The following ATP6V1H variants were observed in gnomAD, a reference collection of about 807,000 sequenced individuals.
The protein encoded by ATP6V1H is ATPase H+ transporting V1 subunit H.
A neutral mutation model predicts 71.7 loss-of-function variants in ATP6V1H; 39 were observed. That is an observed-to-expected ratio of 0.54 (90% CI 0.42 to 0.71). The LOEUF is 0.71. Among genes scored for constraint, ATP6V1H ranks in the 30% least tolerant of loss-of-function variants. The probability of loss-of-function intolerance (pLI) is 0.00; values close to 1 mark genes in which losing one functional copy is unlikely to be tolerated. For synonymous variants in ATP6V1H, 192 were observed against 199.3 expected (o/e 0.96, Z 0.31); for missense variants, 509 against 594.9 (o/e 0.86, Z 1.50).
intron 9 of ATP6V1H, among the ~76,000 whole-genome samples, chr8:53,795,121 G>T (rs969201324): frequency 6.6e-6 from 1 of 152,142 alleles, no homozygotes; most frequent in East Asian, 1.9e-4. Context: ...CTAGGATTTC[G>T]ATTCTAGCTA....
chr8:53,744,122 G>A (rs906207329), intron 12 of ATP6V1H, among the ~76,000 whole-genome samples: 2 of 151,778 alleles, frequency 1.3e-5, no homozygotes, highest in African/African-American at 2.4e-5. Flanking sequence ...GTGAAGATAG[G>A]GGCTTAGATG....
intron 2 of ATP6V1H, chr8:53,839,656 A>T (rs1173459647): frequency 1.0e-6 from 1 of 985,310 alleles, no homozygotes; most frequent in Admixed American, 6.2e-5. Flanking sequence ...AATTCAATCA[A>T]GAGGCAGATA....
chr8:53,812,796 G>T lies in ATP6V1H; in HGVS notation c.526-1579C>A, dbSNP rs550434607. Among the ~76,000 whole-genome samples the T allele has an allele frequency of 1.9e-3, 289 of 152,304 alleles. 1 individual carries two copies. Among genetic ancestry groups the T allele is most frequent in the Middle Eastern group, 3.4e-3 (1 of 294 alleles). On this transcript the variant is annotated intron_variant, in intron 6 of 13. Coordinates refer to ENST00000359530, the MANE Select transcript of ATP6V1H (RefSeq NM_015941.4). ...ACAGCCTCAACCTCCTCAGGCTCAG[G>T]TGATCCTTCTGCCTCAGCCTGCTGA... is the stretch of plus-strand genomic sequence containing the variant.
intron 9 of ATP6V1H, among the ~76,000 whole-genome samples, chr8:53,776,207 A>G (rs1808883948): frequency 6.6e-6 from 1 of 152,186 alleles, no homozygotes; most frequent in Non-Finnish European, 1.5e-5. Flanking sequence ...GGGCCCGCCA[A>G]GCCCACGCCC....
In ATP6V1H at chr8:53,743,706, A is replaced by G; in HGVS notation, c.1278-16T>C. 6.3e-7 allele frequency: 1 copy of G among 1,578,676 alleles called. No homozygotes were observed. The highest frequency in any genetic ancestry group is 8.7e-7 in the Non-Finnish European group (1 of 1,152,420). ...CTCGATGACCCTGCAAACGGGAGAG[A>G]CGTGGTGAGGAAGATGCAATTACTC... On this transcript the variant is annotated splice_polypyrimidine_tract_variant and intron_variant, in intron 12 of 13. Coordinates refer to ENST00000359530, the MANE Select transcript of ATP6V1H (RefSeq NM_015941.4).
In ATP6V1H at chr8:53,718,155, A is replaced by G. The variant is rs114257944; in HGVS notation, c.1392-2131T>C. On this transcript the variant is annotated intron_variant, in intron 13 of 13. Transcript: ENST00000359530. ...GAGGGTAGTTCATTCCCCATATCAG[A>G]CTTCACTAATACTTAGCAGACAACA... 6.0e-4 allele frequency among the ~76,000 whole-genome samples: 91 copies of G among 152,318 alleles called. 1 individual carries two copies. Among genetic ancestry groups the G allele is most frequent in the African/African-American group, 2.1e-3 (88 of 41,568 alleles).
At chr8:53,745,997 A>T (rs867680504) in intron 12 of ATP6V1H, among the ~76,000 whole-genome samples, 19 of 152,316 alleles carry the variant, frequency 1.2e-4, no homozygotes, top group Non-Finnish European at 2.5e-4. Flanking sequence ...GACCAAATAC[A>T]ATCTCAGAAA....
chr8:53,781,901 T>A (rs1393011495), intron 9 of ATP6V1H, among the ~76,000 whole-genome samples: 3 of 152,214 alleles, frequency 2.0e-5, no homozygotes, highest in Non-Finnish European at 2.9e-5. Flanking sequence ...TTGGTTTATA[T>A]CTCTGTTTTG....
intron 6 of ATP6V1H, among the ~76,000 whole-genome samples, chr8:53,812,476 A>G (rs1343859363): frequency 6.6e-6 from 1 of 152,240 alleles, no homozygotes; most frequent in African/African-American, 2.4e-5. Flanking sequence ...CATTACAAGC[A>G]TAGTCAATCA....
At chr8:53,811,258 AT>A in intron 6 of ATP6V1H, 41 bp from the exon 7 acceptor site, 1 of 1,571,396 alleles carries the variant, frequency 6.4e-7, no homozygotes, top group Non-Finnish European at 8.8e-7. Context: ...TTTTGTTTTG[AT>A]TTTATCCTAA....
At chr8:53,780,298 T>C (rs1163039273) in intron 9 of ATP6V1H, among the ~76,000 whole-genome samples, 2 of 152,188 alleles carry the variant, frequency 1.3e-5, no homozygotes, top group Non-Finnish European at 2.9e-5. Flanking sequence ...TAATGGCATT[T>C]CAAAGATTAG....
At chr8:53,761,778 CAG>C (rs1320006417) in intron 11 of ATP6V1H, among the ~76,000 whole-genome samples, 1 of 152,104 alleles carries the variant, frequency 6.6e-6, no homozygotes, top group Non-Finnish European at 1.5e-5. Context: ...GTCTAAACAA[CAG>C]AGATAGGTGG....
Position 53,735,987 on chromosome 8 carries a change from C to T in ATP6V1H, c.1391+7590G>A, listed in dbSNP as rs1040914014. On this transcript the variant is annotated intron_variant, in intron 13 of 13. Transcript: ENST00000359530. ...TGAGACTGCGCTGCTGAGGAAACAA[C>T]AAGCCCTGCTCTAGTCACACACCAG... 2.0e-5 allele frequency among the ~76,000 whole-genome samples: 3 copies of T among 152,194 alleles called. No individual in the cohort carries two copies. The East Asian group carries it at 5.8e-4, about 29-fold the overall frequency.
chr8:53,760,400 G>C (rs531197041), intron 11 of ATP6V1H, among the ~76,000 whole-genome samples: 1 of 152,160 alleles, frequency 6.6e-6, no homozygotes, highest in Non-Finnish European at 1.5e-5. Flanking sequence ...GGGAAACATC[G>C]AGGGAAGAGA....
At position 53,769,703 on chromosome 8, in the gene ATP6V1H, A is replaced by G. The variant is rs1219033654; in HGVS notation, c.1090T>C (p.Leu364=). The G allele has an allele frequency of 3.1e-6, 5 of 1,612,550 alleles. No individual in the cohort carries two copies. Among genetic ancestry groups the G allele is most frequent in the Admixed American group, 1.7e-5 (1 of 59,958 alleles). The part of the protein sequence containing the change: ...EYSSELKSGR[L]EWSPVHKSEK... The stretch of plus-strand genomic sequence containing the variant: ...GATTTGTGCACAGGACTCCATTCCA[A>G]CCTTCCAGATTTAAGTTCTGAACTG... The change falls in exon 11 of 14, where the codon TTG becomes CTG. Residue 364 remains leucine, a synonymous_variant. Transcript: ENST00000359530.
intron 13 of ATP6V1H, among the ~76,000 whole-genome samples, chr8:53,717,730 T>C (rs1806473183): frequency 6.6e-6 from 1 of 152,132 alleles, no homozygotes; most frequent in Non-Finnish European, 1.5e-5. Flanking sequence ...TTTGTTTTCT[T>C]GGTGGTGGAG....
intron 13 of ATP6V1H, among the ~76,000 whole-genome samples, chr8:53,732,047 G>A (rs1472655341): frequency 6.6e-6 from 1 of 152,228 alleles, no homozygotes; most frequent in Admixed American, 6.5e-5. Flanking sequence ...CATCTGAGTG[G>A]AAGCGTGGCC....
intron 9 of ATP6V1H, among the ~76,000 whole-genome samples, chr8:53,782,422 C>T (rs1199072104): frequency 6.6e-6 from 1 of 151,944 alleles, no homozygotes; most frequent in Non-Finnish European, 1.5e-5. Flanking sequence ...AGTTGCTTAT[C>T]AGCTTAAGGA....
intron 13 of ATP6V1H, among the ~76,000 whole-genome samples, chr8:53,731,865 A>G (rs1807038039): frequency 6.6e-6 from 1 of 152,260 alleles, no homozygotes; most frequent in Admixed American, 6.5e-5. Context: ...AGCGACGCAG[A>G]TCCTGAGAGC....
Sources: allele counts gnomAD v4.1 joint callset (sites outside exome capture counted in the v4.1 genomes callset), GRCh38; gene constraint gnomAD v4.1.1; transcripts MANE v1.5; gene names NCBI Gene and HGNC (gene_info 2026-07-23, HGNC 2026-07-21).